Variants in BST1 observed in about 807,000 individuals in gnomAD.
BST1 encodes ADP-ribosyl cyclase/cyclic ADP-ribose hydrolase 2.
BST1 carries 49 observed loss-of-function variants against 40.6 expected under a neutral mutation model. The observed-to-expected ratio is 1.21, with a 90% confidence interval of 0.96 to 1.53. The LOEUF (loss-of-function observed/expected upper bound fraction) is 1.53. Among genes scored for constraint, BST1 ranks in the 40% most tolerant of loss-of-function variants. The probability of loss-of-function intolerance (pLI) is 0.00; values close to 1 mark genes in which losing one functional copy is unlikely to be tolerated. For missense variants in BST1, 423 were observed against 395.9 expected (o/e 1.07, Z -0.58); for synonymous variants, 157 against 159.3 (o/e 0.99, Z 0.11).
chr4:15,763,836 A>C, the BST1 span, among the ~76,000 whole-genome samples: 2 of 152,064 alleles, frequency 1.3e-5, no homozygotes, highest in Non-Finnish European at 2.9e-5. Context: ...TACATACTGT[A>C]TGATTCCAGC....
chr4:15,741,395 G>C (rs929270889), downstream of BST1, among the ~76,000 whole-genome samples: 1 of 152,164 alleles, frequency 6.6e-6, no homozygotes, highest in African/African-American at 2.4e-5. Flanking sequence ...GGTAGGAAGA[G>C]GAAAGCTGAG....
At chr4:15,716,623 C>G (rs532750905) in intron 6 of BST1, among the ~76,000 whole-genome samples, 1 of 152,300 alleles carries the variant, frequency 6.6e-6, no homozygotes, top group East Asian at 1.9e-4. Flanking sequence ...GTCTCTTAGG[C>G]AATAGATTGT....
At chr4:15,704,397 G>A (rs1719758586) in intron 1 of BST1, among the ~76,000 whole-genome samples, 1 of 81,304 alleles carries the variant, frequency 1.2e-5, no homozygotes, top group Admixed American at 1.3e-4. Flanking sequence ...CTAGAGGTAA[G>A]GGATGTGTGT....
chr4:15,722,727 TG>T (rs1720877943), intron 7 of BST1, 147 bp from the exon 8 acceptor site: 3 of 652,292 alleles, frequency 4.6e-6, no homozygotes, highest in Non-Finnish European at 7.9e-6. Flanking sequence ...GCCACCGTGC[TG>T]GGCCACTAAT....
chr4:15,731,308 T>C (rs1202954823), intron 8 of BST1: 2 of 511,018 alleles, frequency 3.9e-6, no homozygotes, highest in Non-Finnish European at 7.1e-6. Flanking sequence ...AAATGCATCA[T>C]ACTCTTGGCC....
At chr4:15,760,685 T>G in the BST1 span, among the ~76,000 whole-genome samples, 1 of 150,460 alleles carries the variant, frequency 6.6e-6, no homozygotes, top group South Asian at 2.1e-4. Context: ...ATACTATATA[T>G]TTATTTATTT....
At chr4:15,724,797 T>C (rs888048842) in intron 8 of BST1, among the ~76,000 whole-genome samples, 1 of 152,216 alleles carries the variant, frequency 6.6e-6, no homozygotes, top group East Asian at 1.9e-4. Flanking sequence ...CATTTAGTAA[T>C]AGAACCCTTG....
the BST1 span, among the ~76,000 whole-genome samples, chr4:15,762,903 A>G: frequency 7.2e-5 from 11 of 152,008 alleles, no homozygotes; most frequent in African/African-American, 2.7e-4. Flanking sequence ...TGGCTGAGTA[A>G]TATTCTATTG....
At chr4:15,745,096 A>G in the BST1 span, among the ~76,000 whole-genome samples, 1 of 152,250 alleles carries the variant, frequency 6.6e-6, no homozygotes, top group Non-Finnish European at 1.5e-5. Flanking sequence ...TTTATATCAC[A>G]TTCAATTATA....
At chr4:15,753,329 G>A in the BST1 span, among the ~76,000 whole-genome samples, 1 of 152,144 alleles carries the variant, frequency 6.6e-6, no homozygotes, top group Non-Finnish European at 1.5e-5. Flanking sequence ...TTGTGGGAGG[G>A]ATTTTTTCAG....
intron 6 of BST1, among the ~76,000 whole-genome samples, 165 bp downstream of exon 6, chr4:15,715,964 A>G (rs1720493567): frequency 6.6e-6 from 1 of 152,230 alleles, no homozygotes; most frequent in East Asian, 1.9e-4. Flanking sequence ...TGGGAATGCC[A>G]CTAGCCAGTC....
At chr4:15,770,059 C>T in the BST1 span, among the ~76,000 whole-genome samples, 2 of 152,112 alleles carry the variant, frequency 1.3e-5, no homozygotes, top group South Asian at 2.1e-4. Flanking sequence ...AGGCTGGTCT[C>T]GAACTCTTGA....
Position 15,703,264 on chromosome 4 carries a change from C to T in BST1, c.120C>T (p.Ser40=). 1.9e-6 allele frequency: 3 copies of T among 1,539,360 alleles called. No individual in the cohort carries two copies. Among genetic ancestry groups the T allele is most frequent in the Non-Finnish European group, 2.6e-6 (3 of 1,146,824 alleles). ...ARARWRGEGT[S]AHLRDIFLGR... ...CGCGGTGGCGCGGGGAGGGCACCAG[C>T]GCACACTTGCGGGACATCTTCCTGG... The change falls in exon 1 of 9, where the codon AGC becomes AGT. Residue 40 remains serine (S), a synonymous_variant. Coordinates refer to ENST00000265016, the MANE Select transcript of BST1 (RefSeq NM_004334.3).
At chr4:15,765,766 C>A in the BST1 span, among the ~76,000 whole-genome samples, 4 of 151,964 alleles carry the variant, frequency 2.6e-5, no homozygotes, top group African/African-American at 7.3e-5. Context: ...CTGAGTGAGA[C>A]CTTCCTTGGT....
chr4:15,716,274 C>T (rs747567396), intron 6 of BST1, among the ~76,000 whole-genome samples: 6 of 152,154 alleles, frequency 3.9e-5, no homozygotes, highest in African/African-American at 1.4e-4. Context: ...TGGGAAAGCA[C>T]GAGTTTACAT....
chr4:15,770,747 C>T, the BST1 span, among the ~76,000 whole-genome samples: 1 of 144,342 alleles, frequency 6.9e-6, no homozygotes, highest in African/African-American at 2.6e-5. Context: ...CCTTCTGATT[C>T]CCCCTGTTTG....
chr4:15,762,376 T>C, the BST1 span, among the ~76,000 whole-genome samples: 1 of 151,832 alleles, frequency 6.6e-6, no homozygotes. Context: ...AGTATGATTA[T>C]GGGTGTTTTT....
At chr4:15,757,019 G>A in the BST1 span, among the ~76,000 whole-genome samples, 1 of 151,640 alleles carries the variant, frequency 6.6e-6, no homozygotes, top group African/African-American at 2.4e-5. Flanking sequence ...ATCTATATTA[G>A]TAAAACCATC....
At position 15,732,078 on chromosome 4, in the gene BST1, T is replaced by C. The variant is rs1721398577; in HGVS notation, c.*233T>C. On this transcript the variant is annotated 3_prime_UTR_variant, in exon 9 of 9. Coordinates refer to ENST00000265016, the MANE Select transcript of BST1 (RefSeq NM_004334.3). The stretch of plus-strand genomic sequence containing the variant: ...GCATTAGAATTAAAGCAAGTTATTT[T>C]CTTATTTGTATAATGACACAAAGCA... 1 of 1,228,556 alleles carries C rather than the reference T, an allele frequency of 8.1e-7. No individual in the cohort carries two copies. Among genetic ancestry groups the C allele is most frequent in the African/African-American group, 1.6e-5 (1 of 64,240 alleles). The allele number at this position is 1,228,556 out of a possible 1,614,324, so 76.1% of individuals were successfully genotyped here.
Sources: allele counts gnomAD v4.1 joint callset (sites outside exome capture counted in the v4.1 genomes callset), GRCh38; gene constraint gnomAD v4.1.1; transcripts MANE v1.5; gene names NCBI Gene and HGNC (gene_info 2026-07-23, HGNC 2026-07-21).